DPF3: variants seen among roughly 807,000 people sequenced by gnomAD.
DPF3 encodes double PHD fingers 3.
DPF3 carries 18 observed loss-of-function variants against 56.8 expected under a neutral mutation model. That is an observed-to-expected ratio of 0.32 (90% CI 0.22 to 0.47). The LOEUF (loss-of-function observed/expected upper bound fraction) is 0.47. DPF3 is among the 20% of genes least tolerant of loss of function. DPF3 has a pLI of 1.00. For synonymous variants in DPF3, 188 were observed against 180.2 expected (o/e 1.04, Z -0.35); for missense variants, 403 against 488.8 (o/e 0.82, Z 1.65).
intron 1 of DPF3, among the ~76,000 whole-genome samples, chr14:72,868,010 G>A (rs1348587018): frequency 6.6e-6 from 1 of 152,064 alleles, no homozygotes; most frequent in Non-Finnish European, 1.5e-5. Flanking sequence ...CAAAGTGCTG[G>A]ATTACTGAGC....
At chr14:72,735,806 G>C (rs1022249833) in intron 3 of DPF3, among the ~76,000 whole-genome samples, 2 of 152,172 alleles carry the variant, frequency 1.3e-5, no homozygotes, top group African/African-American at 4.8e-5. Flanking sequence ...TGTGGTCATA[G>C]TATCTATTTC....
At position 72,672,042 on chromosome 14, in the gene DPF3, CACACACACACACACACAG is replaced by C. The variant is rs1371265095; in HGVS notation, c.871+2180_871+2197del. 1.6e-4 allele frequency among the ~76,000 whole-genome samples: 18 copies of C among 114,552 alleles called. 1 individual carries two copies. The Middle Eastern group carries it at 0.015, about 97-fold the overall frequency. The allele number at this position is 114,552 out of a possible 152,430, so 75.2% of individuals were successfully genotyped here. Reference sequence around the variant, plus strand: ...CACGTGTGCACACCACACACACACACACACACACACACACACAGACACACACACACACACACACACACC... The same window carrying C: ...CACGTGTGCACACCACACACACACACACACACACACACACACACACACACC... On this transcript the variant is annotated intron_variant, in intron 8 of 10. Coordinates refer to ENST00000556509, the MANE Select transcript of DPF3 (RefSeq NM_001280542.3).
chr14:72,843,600 T>A (rs1432490211), intron 1 of DPF3, among the ~76,000 whole-genome samples: 2 of 152,248 alleles, frequency 1.3e-5, no homozygotes. Context: ...TGGAGTGCAA[T>A]GGCGTGACCT....
rs539896354 is a variant in DPF3, at chr14:72,609,578, C to T, written c.*9719G>A. ...AGGGCAGAAACATCACAGCACTTCA[C>T]GTTAGGAACCACGAAAGAGTGGGAA... On this transcript the variant is annotated 3_prime_UTR_variant, in exon 11 of 11. Coordinates refer to ENST00000556509, the MANE Select transcript of DPF3 (RefSeq NM_001280542.3). Among the ~76,000 whole-genome samples the T allele has an allele frequency of 5.3e-5, 8 of 152,258 alleles. No homozygotes were observed. In the South Asian group the frequency reaches 8.3e-4, roughly 16 times the overall value.
chr14:72,758,126 C>T (rs970662332), intron 2 of DPF3, among the ~76,000 whole-genome samples: 10 of 152,172 alleles, frequency 6.6e-5, no homozygotes, highest in Middle Eastern at 6.8e-3. Flanking sequence ...ATATTTTACA[C>T]AATTATAAAG....
At chr14:72,871,196 G>C (rs980294218) in intron 1 of DPF3, among the ~76,000 whole-genome samples, 2 of 152,144 alleles carry the variant, frequency 1.3e-5, no homozygotes, top group Admixed American at 1.3e-4. Context: ...TGGGAATTCT[G>C]GGAGATACAA....
At chr14:72,623,274 T>C (rs1240420600) in intron 9 of DPF3, among the ~76,000 whole-genome samples, 2 of 152,164 alleles carry the variant, frequency 1.3e-5, no homozygotes, top group Non-Finnish European at 2.9e-5. Flanking sequence ...CCAATAAATA[T>C]TTTACACAGT....
At chr14:72,745,717 C>T (rs1032758140) in intron 3 of DPF3, among the ~76,000 whole-genome samples, 1 of 152,170 alleles carries the variant, frequency 6.6e-6, no homozygotes, top group African/African-American at 2.4e-5. Flanking sequence ...TAATGATCCT[C>T]ACCTCCTAGG....
At chr14:72,654,986 T>C (rs2153568822) in intron 8 of DPF3, among the ~76,000 whole-genome samples, 2 of 152,244 alleles carry the variant, frequency 1.3e-5, no homozygotes, top group African/African-American at 4.8e-5. Flanking sequence ...TTTTCAGGAT[T>C]ACAAACTGCC....
At chr14:72,821,683 A>T (rs2140035317) in intron 1 of DPF3, among the ~76,000 whole-genome samples, 1 of 152,316 alleles carries the variant, frequency 6.6e-6, no homozygotes, top group South Asian at 2.1e-4. Context: ...TGCAGCAAAT[A>T]TTGGAAATCA....
chr14:72,729,692 G>A (rs894532932), intron 4 of DPF3, among the ~76,000 whole-genome samples: 2 of 152,180 alleles, frequency 1.3e-5, no homozygotes, highest in African/African-American at 4.8e-5. Flanking sequence ...AACATACTGT[G>A]AGTCCAAGTA....
chr14:72,709,154 G>T (rs1888546388), intron 6 of DPF3, among the ~76,000 whole-genome samples: 1 of 152,244 alleles, frequency 6.6e-6, no homozygotes, highest in South Asian at 2.1e-4. Context: ...CTCCCCGACT[G>T]GGTTTCTAGA....
intron 8 of DPF3, among the ~76,000 whole-genome samples, chr14:72,655,024 A>G (rs1886023529): frequency 6.6e-6 from 1 of 152,156 alleles, no homozygotes. Context: ...CACTCAGCCA[A>G]GCAGAAGTTT....
chr14:72,884,971 T>TATATATATATATATACACATATATA (rs10523148), intron 1 of DPF3, among the ~76,000 whole-genome samples: 2 of 111,684 alleles, frequency 1.8e-5, no homozygotes, highest in Non-Finnish European at 3.7e-5. Flanking sequence ...TATATATATA[T>TATATATATATATATACACATATATA]TAGCCGGGCG....
At chr14:72,737,126 A>G (rs768256507) in intron 3 of DPF3, among the ~76,000 whole-genome samples, 3 of 152,050 alleles carry the variant, frequency 2.0e-5, no homozygotes, top group Non-Finnish European at 2.9e-5. Flanking sequence ...AAAACCTCCG[A>G]GACAAACAAG....
chr14:72,856,218 C>G (rs1885163658), intron 1 of DPF3, among the ~76,000 whole-genome samples: 1 of 152,184 alleles, frequency 6.6e-6, no homozygotes, highest in Admixed American at 6.5e-5. Context: ...ACCTTAATTC[C>G]ACTACTCCAA....
At chr14:72,824,540 G>A (rs1411650588) in intron 1 of DPF3, among the ~76,000 whole-genome samples, 2 of 141,220 alleles carry the variant, frequency 1.4e-5, no homozygotes, top group Non-Finnish European at 3.1e-5. Context: ...TTCCATTTAC[G>A]TTTTCTTTTT....
intron 6 of DPF3, among the ~76,000 whole-genome samples, chr14:72,702,208 G>A (rs991388613): frequency 2.6e-5 from 4 of 151,620 alleles, no homozygotes; most frequent in South Asian, 4.2e-4. Context: ...GCTGACTGGC[G>A]TGGCCTGCTT....
intron 1 of DPF3, among the ~76,000 whole-genome samples, chr14:72,885,322 G>A (rs978983337): frequency 6.6e-6 from 1 of 151,936 alleles, no homozygotes; most frequent in African/African-American, 2.4e-5. Context: ...TAGTTTATAA[G>A]GTGGAGAATG....
Sources: allele counts gnomAD v4.1 joint callset (sites outside exome capture counted in the v4.1 genomes callset), GRCh38; gene constraint gnomAD v4.1.1; transcripts MANE v1.5; gene names NCBI Gene and HGNC (gene_info 2026-07-23, HGNC 2026-07-21).